FIGN: variants seen among roughly 807,000 people sequenced by gnomAD.
The protein encoded by FIGN is fidgetin, microtubule severing factor.
FIGN carries 11 observed loss-of-function variants against 51.3 expected under a neutral mutation model. The observed-to-expected ratio is 0.21, with a 90% CI of 0.13 to 0.35. The LOEUF is 0.35. Among genes scored for constraint, FIGN ranks in the 10% least tolerant of loss-of-function variants. The pLI is 1.00. For synonymous variants in FIGN, 407 were observed against 363.2 expected (o/e 1.12, Z -1.37); for missense variants, 857 against 943.6 (o/e 0.91, Z 1.20).
intron 2 of FIGN, among the ~76,000 whole-genome samples, chr2:163,660,760 CAT>C (rs1190727296): frequency 1.1e-5 from 1 of 90,850 alleles, no homozygotes; most frequent in Admixed American, 1.5e-4. Context: ...TACACATATA[CAT>C]ATATATGTAT....
chr2:163,610,805 A>AT lies in FIGN; in HGVS notation c.1026dup (p.Ser343IlefsTer24). 1 of 1,614,086 alleles carries AT rather than the reference A, an allele frequency of 6.2e-7. No individual in the cohort carries two copies. Among genetic ancestry groups the AT allele is most frequent in the Non-Finnish European group, 8.5e-7 (1 of 1,180,006 alleles). On this transcript the variant is annotated frameshift_variant, in exon 3 of 3. Coordinates refer to ENST00000333129, the MANE Select transcript of FIGN (RefSeq NM_018086.4). LOFTEE classifies it high-confidence loss of function. ...ATTCTGTACATAGGACTCTGTGTAG[A>AT]TCTCTGTTGGCCATAGCTGTAATTT... is the stretch of plus-strand genomic sequence containing the variant.
chr2:163,680,694 T>G (rs1221876253), intron 2 of FIGN, among the ~76,000 whole-genome samples: 3 of 152,172 alleles, frequency 2.0e-5, no homozygotes, highest in Admixed American at 2.0e-4. Flanking sequence ...CCATCGCCTC[T>G]CTGTGCTTCC....
At chr2:163,648,085 C>T (rs1398266026) in intron 2 of FIGN, among the ~76,000 whole-genome samples, 1 of 152,028 alleles carries the variant, frequency 6.6e-6, no homozygotes. Flanking sequence ...AAATGATTTG[C>T]AAGGTCAAAG....
At chr2:163,671,407 T>C (rs530230542) in intron 2 of FIGN, among the ~76,000 whole-genome samples, 167 of 152,172 alleles carry the variant, frequency 1.1e-3, no homozygotes, top group African/African-American at 3.9e-3. Flanking sequence ...TCTTAAGCAT[T>C]TGGGGTGGGA....
intron 2 of FIGN, among the ~76,000 whole-genome samples, chr2:163,660,465 A>G (rs1165340514): frequency 1.3e-5 from 2 of 152,072 alleles, no homozygotes; most frequent in Non-Finnish European, 2.9e-5. Context: ...TGCTGACAAC[A>G]TATCAATTAA....
intron 2 of FIGN, chr2:163,617,048 G>T: frequency 1.1e-6 from 1 of 927,572 alleles, no homozygotes; most frequent in African/African-American, 1.8e-5. Context: ...GACTAATGCA[G>T]CCTTGTCTAC....
rs1410900930 is a variant in FIGN at position 163,610,798 on chromosome 2, T to A, written c.1034A>T (p.Gln345Leu). Reference sequence around the variant, plus strand: ...GTCGGGCATTCTGTACATAGGACTCTGTGTAGATCTCTGTTGGCCATAGCT... The same window carrying A: ...GTCGGGCATTCTGTACATAGGACTCAGTGTAGATCTCTGTTGGCCATAGCT... Reference protein sequence around the residue: ...NYSYGQQRSTQSPMYRMPDNS... With the variant: ...NYSYGQQRSTLSPMYRMPDNS... The change falls in exon 3 of 3, where the codon CAG (glutamine) becomes CTG (leucine). Residue 345 changes from glutamine (Q) to leucine (L), a missense_variant. By Grantham distance (113) the Gln-to-Leu change is moderately radical. Transcript: ENST00000333129. 6.2e-7 allele frequency: 1 copy of A among 1,614,028 alleles called. No individual in the cohort carries two copies. The highest frequency in any genetic ancestry group is 8.5e-7 in the Non-Finnish European group (1 of 1,180,030).
chr2:163,729,086 A>C (rs74998824), intron 2 of FIGN, among the ~76,000 whole-genome samples: 12,873 of 152,290 alleles, frequency 0.085, 691 homozygotes, highest in Admixed American at 0.11. Context: ...GAGTTTACCC[A>C]TTCTCAGATG....
chr2:163,630,675 A>AGGG (rs5835954), intron 2 of FIGN, among the ~76,000 whole-genome samples: 14 of 143,154 alleles, frequency 9.8e-5, no homozygotes, highest in African/African-American at 3.6e-4. Flanking sequence ...TACAAAAAAA[A>AGGG]GGGGGGGGGG....
chr2:163,674,994 T>C (rs921943576), intron 2 of FIGN, among the ~76,000 whole-genome samples: 1 of 152,200 alleles, frequency 6.6e-6, no homozygotes, highest in Non-Finnish European at 1.5e-5. Flanking sequence ...TATGACCCTT[T>C]AGGAATACTT....
At chr2:163,615,984 TA>T (rs1264805092) in intron 2 of FIGN, among the ~76,000 whole-genome samples, 2 of 152,186 alleles carry the variant, frequency 1.3e-5, no homozygotes, top group Non-Finnish European at 2.9e-5. Context: ...ATTTAAGTGT[TA>T]CATAGGAATG....
At chr2:163,708,302 C>T (rs1684533452) in intron 2 of FIGN, among the ~76,000 whole-genome samples, 1 of 152,136 alleles carries the variant, frequency 6.6e-6, no homozygotes, top group Non-Finnish European at 1.5e-5. Context: ...GTAATTAAGA[C>T]TGTTCCAATT....
chr2:163,680,869 G>T (rs1276590190), intron 2 of FIGN, among the ~76,000 whole-genome samples: 1 of 151,970 alleles, frequency 6.6e-6, no homozygotes, highest in Admixed American at 6.6e-5. Flanking sequence ...AAAAAAAAAT[G>T]CCTTATTAGT....
intron 2 of FIGN, among the ~76,000 whole-genome samples, chr2:163,634,590 G>T (rs1052646386): frequency 6.6e-6 from 1 of 152,126 alleles, no homozygotes; most frequent in African/African-American, 2.4e-5. Flanking sequence ...ATTTTTGTGT[G>T]TGTATGTGTG....
At chr2:163,642,026 C>T (rs1040116896) in intron 2 of FIGN, among the ~76,000 whole-genome samples, 4 of 152,208 alleles carry the variant, frequency 2.6e-5, no homozygotes, top group Non-Finnish European at 4.4e-5. Flanking sequence ...ATAGCATGAT[C>T]ATACACCAGC....
chr2:163,677,938 G>T (rs1216463216), intron 2 of FIGN, among the ~76,000 whole-genome samples: 5 of 152,210 alleles, frequency 3.3e-5, no homozygotes, highest in African/African-American at 9.6e-5. Context: ...GTGTGGAAGA[G>T]GAGGAAGGAG....
At chr2:163,726,278 T>C (rs553113243) in intron 2 of FIGN, among the ~76,000 whole-genome samples, 1 of 152,108 alleles carries the variant, frequency 6.6e-6, no homozygotes, top group Non-Finnish European at 1.5e-5. Context: ...CAAATGAAAA[T>C]CTCTCTTTAA....
At chr2:163,697,576 C>T (rs1218842340) in intron 2 of FIGN, among the ~76,000 whole-genome samples, 2 of 152,174 alleles carry the variant, frequency 1.3e-5, no homozygotes, top group Admixed American at 1.3e-4. Context: ...TACCTCATCC[C>T]TGCTTTCTGC....
At chr2:163,630,370 G>A (rs1274344208) in intron 2 of FIGN, among the ~76,000 whole-genome samples, 1 of 152,036 alleles carries the variant, frequency 6.6e-6, no homozygotes, top group Non-Finnish European at 1.5e-5. Context: ...ACATGTTTAG[G>A]AGTCAGTTAG....
Sources: allele counts gnomAD v4.1 joint callset (sites outside exome capture counted in the v4.1 genomes callset), GRCh38; gene constraint gnomAD v4.1.1; transcripts MANE v1.5; gene names NCBI Gene and HGNC (gene_info 2026-07-23, HGNC 2026-07-21).